POT1: variants seen among roughly 807,000 people sequenced by gnomAD.
POT1 encodes protection of telomeres 1, also known as protection of telomeres protein 1.
A neutral mutation model predicts 78.5 loss-of-function variants in POT1; 47 were observed. The ratio of observed to expected loss-of-function variants is 0.60; its 90% CI spans 0.47 to 0.76. POT1 has a LOEUF of 0.76. Among genes scored for constraint, POT1 ranks in the 30% least tolerant of loss-of-function variants. The probability of loss-of-function intolerance (pLI) is 0.00; values close to 1 mark genes in which losing one functional copy is unlikely to be tolerated. For synonymous variants in POT1, 259 were observed against 260.7 expected, an observed-to-expected ratio of 0.99 and a Z score of 0.06; for missense variants, 646 against 749.9, an observed-to-expected ratio of 0.86 and a Z score of 1.62.
chr7:124,865,702 A>AATTATT (rs886449054), intron 7 of POT1, among the ~76,000 whole-genome samples: 3 of 150,560 alleles, frequency 2.0e-5, no homozygotes, highest in African/African-American at 7.3e-5. Flanking sequence ...TTTATTTATT[A>AATTATT]ATTATTATTA....
At chr7:124,828,641 A>G (rs1394911905) in intron 16 of POT1, among the ~76,000 whole-genome samples, 1 of 152,162 alleles carries the variant, frequency 6.6e-6, no homozygotes, top group African/African-American at 2.4e-5. Context: ...GAACCATAAA[A>G]ACAAAGATAT....
At chr7:124,873,969 T>C (rs1795930654) in intron 6 of POT1, among the ~76,000 whole-genome samples, 1 of 152,080 alleles carries the variant, frequency 6.6e-6, no homozygotes, top group Non-Finnish European at 1.5e-5. Context: ...GAGTAAAAAG[T>C]AGGGCTGAAA....
chr7:124,909,164 C>T (rs1160623395), intron 3 of POT1, among the ~76,000 whole-genome samples: 1 of 151,736 alleles, frequency 6.6e-6, no homozygotes, highest in Admixed American at 6.6e-5. Context: ...TTTCAGAATA[C>T]TTTGGAAAAG....
chr7:124,924,792 G>GC lies in POT1; in HGVS notation c.-227+4022dup, dbSNP rs561689024. ...ATCAAGTGAGATTTATCTCAGGGAC[G>GC]CAAGAATAGTTCAACATACGCAAAT... On this transcript the variant is annotated intron_variant, in intron 2 of 18. Transcript: ENST00000357628. 3.9e-5 allele frequency among the ~76,000 whole-genome samples: 6 copies of GC among 152,110 alleles called. No individual in the cohort carries two copies. In the South Asian group the frequency reaches 1.2e-3, roughly 32 times the overall value.
intron 6 of POT1, among the ~76,000 whole-genome samples, chr7:124,890,210 C>T (rs1203100439): frequency 1.3e-5 from 2 of 151,896 alleles, no homozygotes; most frequent in African/African-American, 4.8e-5. Context: ...TAAGTCACTG[C>T]AGATGTGGTG....
At chr7:124,894,039 G>A (rs942148854) in intron 5 of POT1, among the ~76,000 whole-genome samples, 2 of 151,472 alleles carry the variant, frequency 1.3e-5, no homozygotes, top group African/African-American at 2.4e-5. Context: ...TGGTTTACAA[G>A]GACATGTTTG....
intron 6 of POT1, among the ~76,000 whole-genome samples, chr7:124,886,077 T>C (rs1437431608): frequency 1.3e-5 from 2 of 152,190 alleles, no homozygotes; most frequent in East Asian, 1.9e-4. Flanking sequence ...CTACAGGTCA[T>C]ATGTAATCTT....
intron 3 of POT1, among the ~76,000 whole-genome samples, chr7:124,899,425 C>T (rs1208053058): frequency 6.6e-6 from 1 of 152,052 alleles, no homozygotes; most frequent in Non-Finnish European, 1.5e-5. Context: ...TGCCAAATTA[C>T]CACAACTCTT....
At chr7:124,843,099 T>C in intron 12 of POT1, 136 bp from the exon 13 acceptor site, 1 of 629,442 alleles carries the variant, frequency 1.6e-6, no homozygotes, top group Non-Finnish European at 2.5e-6. Flanking sequence ...GGAAGGGTTA[T>C]GTCTTTATTC....
chr7:124,907,058 T>A (rs1796782673), intron 3 of POT1, among the ~76,000 whole-genome samples: 2 of 152,044 alleles, frequency 1.3e-5, no homozygotes, highest in African/African-American at 4.8e-5. Context: ...GATGTTTAAC[T>A]CAATTGGGTG....
At chr7:124,832,749 G>C (rs934690160) in intron 15 of POT1, among the ~76,000 whole-genome samples, 7 of 151,532 alleles carry the variant, frequency 4.6e-5, no homozygotes, top group African/African-American at 1.7e-4. Flanking sequence ...TTGAACCGGG[G>C]AGGCAGAGGT....
In POT1 at chr7:124,916,000, T is replaced by C. The variant is rs534254779; in HGVS notation, c.-226-354A>G. ...AATGATGTTTGCTCCTAGAAAGAAA[T>C]GAAAACTTAATAAAGATTTAGAAAT... On this transcript the variant is annotated intron_variant, in intron 2 of 18. Transcript: ENST00000357628. 1.1e-3 allele frequency among the ~76,000 whole-genome samples: 164 copies of C among 152,190 alleles called. 1 individual carries two copies. Among genetic ancestry groups the C allele is most frequent in the African/African-American group, 3.8e-3 (156 of 41,562 alleles).
chr7:124,924,729 T>C (rs1335981560), intron 2 of POT1, among the ~76,000 whole-genome samples: 3 of 151,902 alleles, frequency 2.0e-5, no homozygotes, highest in East Asian at 1.9e-4. Flanking sequence ...TACTAGCAAA[T>C]TGAATCCAAC....
At chr7:124,916,307 ATT>A (rs1216271780) in intron 2 of POT1, among the ~76,000 whole-genome samples, 1 of 152,192 alleles carries the variant, frequency 6.6e-6, no homozygotes, top group Non-Finnish European at 1.5e-5. Context: ...TTATACATCA[ATT>A]TTACTTATAG....
At chr7:124,900,859 C>G (rs113482807) in intron 3 of POT1, 1 of 381,310 alleles carries the variant, frequency 2.6e-6, no homozygotes, top group African/African-American at 2.1e-5. Context: ...TATCCCATGC[C>G]TGGCTCATCA....
intron 15 of POT1, among the ~76,000 whole-genome samples, chr7:124,830,544 AAAGT>A (rs1323613598): frequency 6.6e-6 from 1 of 152,162 alleles, no homozygotes; most frequent in Admixed American, 6.5e-5. Context: ...AGACATTATT[AAAGT>A]TAGTATAAAA....
intron 14 of POT1, among the ~76,000 whole-genome samples, chr7:124,839,577 A>AGCC (rs1290194776): frequency 1.3e-5 from 2 of 152,228 alleles, no homozygotes; most frequent in Non-Finnish European, 2.9e-5. Context: ...GTAAGATCCT[A>AGCC]GCCCTTGGTC....
intron 6 of POT1, among the ~76,000 whole-genome samples, chr7:124,880,931 C>A (rs370859248): frequency 6.6e-5 from 10 of 151,930 alleles, no homozygotes; most frequent in African/African-American, 1.7e-4. Context: ...GCAATACTTC[C>A]AAAATATCAT....
intron 8 of POT1, among the ~76,000 whole-genome samples, chr7:124,862,745 T>C (rs183813152): frequency 4.8e-4 from 73 of 152,306 alleles, no homozygotes; most frequent in Middle Eastern, 3.4e-3. Context: ...TTCAAATGTA[T>C]CCTCCATAGG....
Sources: gnomAD v4.1 joint callset for allele counts (sites outside exome capture counted in the v4.1 genomes callset) on GRCh38, gnomAD v4.1.1 for gene constraint, MANE v1.5 for transcripts, NCBI Gene and HGNC (gene_info 2026-07-23, HGNC 2026-07-21) for gene names.